CHN1: variants seen among roughly 807,000 people sequenced by gnomAD.
CHN1 encodes the protein N-chimaerin.
In CHN1, 37 loss-of-function variants were observed where a neutral mutation model predicts 59.5. That is an observed-to-expected ratio of 0.62 (90% CI 0.48 to 0.82). The LOEUF is 0.82. Among genes scored for constraint, CHN1 ranks in the 40% least tolerant of loss-of-function variants. The pLI, the probability that CHN1 is intolerant of heterozygous loss-of-function variation, is 0.00. For synonymous variants in CHN1, 206 were observed against 200.4 expected, an observed-to-expected ratio of 1.03 and a Z score of -0.24; for missense variants, 469 against 571.0, an observed-to-expected ratio of 0.82 and a Z score of 1.82.
chr2:174,877,063 A>G (rs1687588137), intron 6 of CHN1, among the ~76,000 whole-genome samples: 1 of 152,054 alleles, frequency 6.6e-6, no homozygotes, highest in African/African-American at 2.4e-5. Context: ...AATGCCCCCA[A>G]CTAAATGTCA....
At chr2:174,865,683 G>C (rs932891458) in intron 6 of CHN1, among the ~76,000 whole-genome samples, 1 of 152,258 alleles carries the variant, frequency 6.6e-6, no homozygotes, top group Non-Finnish European at 1.5e-5. Context: ...AATGTTCTAA[G>C]GCCAAAGGGA....
chr2:174,941,879 T>C (rs1416208269), intron 3 of CHN1, among the ~76,000 whole-genome samples: 1 of 152,174 alleles, frequency 6.6e-6, no homozygotes, highest in South Asian at 2.1e-4. Flanking sequence ...CAGAATAATA[T>C]GTTTAAAAGT....
intron 1 of CHN1, among the ~76,000 whole-genome samples, chr2:174,960,728 A>G (rs887217600): frequency 4.6e-5 from 7 of 152,078 alleles, no homozygotes; most frequent in Non-Finnish European, 7.4e-5. Context: ...AGGCTGAGGT[A>G]GGAGAATCGT....
intron 7 of CHN1, among the ~76,000 whole-genome samples, chr2:174,841,638 T>C (rs1456922848): frequency 6.6e-6 from 1 of 152,132 alleles, no homozygotes; most frequent in Non-Finnish European, 1.5e-5. Context: ...CAGAAATACA[T>C]ATAATTCCAC....
At chr2:174,836,089 C>G (rs900885280) in intron 7 of CHN1, among the ~76,000 whole-genome samples, 2 of 152,192 alleles carry the variant, frequency 1.3e-5, no homozygotes, top group Admixed American at 1.3e-4. Flanking sequence ...GCACCTCCCC[C>G]ACGACCCCAC....
rs545292345 is a variant in CHN1 at position 174,942,446 on chromosome 2, G to A, written c.114+2442C>T. Among the ~76,000 whole-genome samples the A allele has an allele frequency of 1.5e-3, 232 of 152,030 alleles. 2 individuals are homozygous for A. The highest frequency in any genetic ancestry group is 3.4e-3 in the Middle Eastern group (1 of 294). ...TACTGCACATTCTCATTCATATGTG[G>A]GAGCTAAATAAATTGATCTCACAGA... On this transcript the variant is annotated intron_variant, in intron 3 of 12. Transcript: ENST00000409900.
At chr2:174,990,221 T>G (rs1691490776) in intron 1 of CHN1, among the ~76,000 whole-genome samples, 1 of 148,700 alleles carries the variant, frequency 6.7e-6, no homozygotes. Context: ...GGGGTGTGTG[T>G]GTGTGGTGTG....
intron 2 of CHN1, among the ~76,000 whole-genome samples, chr2:174,947,590 G>T (rs1153727): frequency 0.48 from 71,808 of 150,580 alleles, 17,843 homozygotes; most frequent in African/African-American, 0.61. Flanking sequence ...GTTCAAGCAA[G>T]CCTTATGCCG....
intron 1 of CHN1, among the ~76,000 whole-genome samples, chr2:174,974,458 G>A (rs554206292): frequency 1.9e-4 from 29 of 152,256 alleles, no homozygotes; most frequent in African/African-American, 6.0e-4. Flanking sequence ...ACAAATGACA[G>A]CAATGAAAAA....
At chr2:174,916,423 G>C (rs188684060) in intron 4 of CHN1, among the ~76,000 whole-genome samples, 39 of 152,266 alleles carry the variant, frequency 2.6e-4, no homozygotes, top group Admixed American at 2.4e-3. Context: ...AAACATAGGA[G>C]GGTAGAGGGA....
intron 1 of CHN1, among the ~76,000 whole-genome samples, chr2:174,971,264 G>A (rs1690749334): frequency 6.6e-6 from 1 of 152,164 alleles, no homozygotes; most frequent in African/African-American, 2.4e-5. Context: ...CTTGCAGTGA[G>A]CCGAGATCGT....
intron 7 of CHN1, among the ~76,000 whole-genome samples, chr2:174,842,887 C>CTATT (rs1297054996): frequency 6.6e-6 from 1 of 152,218 alleles, no homozygotes. Context: ...AACACTAAAT[C>CTATT]TATTAATACA....
At chr2:174,953,504 A>G (rs1690092007) in intron 1 of CHN1, among the ~76,000 whole-genome samples, 1 of 152,194 alleles carries the variant, frequency 6.6e-6, no homozygotes, top group Non-Finnish European at 1.5e-5. Flanking sequence ...TGCTGATGAC[A>G]TGATCGCACA....
intron 6 of CHN1, chr2:174,847,352 A>G: frequency 3.9e-6 from 5 of 1,289,372 alleles, no homozygotes; most frequent in Non-Finnish European, 3.9e-6. Flanking sequence ...TCTTAAAGGG[A>G]TCTATATTCT....
At chr2:174,972,134 T>C (rs533679730) in intron 1 of CHN1, among the ~76,000 whole-genome samples, 1 of 152,208 alleles carries the variant, frequency 6.6e-6, no homozygotes, top group East Asian at 1.9e-4. Context: ...TCATTCACGA[T>C]GCTATTAAAG....
At chr2:174,944,857 C>G in intron 3 of CHN1, 31 bp downstream of exon 3, 1 of 1,537,892 alleles carries the variant, frequency 6.5e-7, no homozygotes, top group Non-Finnish European at 8.8e-7. Flanking sequence ...GGTTGAGAGA[C>G]ATTTTTTGGT....
chr2:174,811,505 A>C lies in CHN1; in HGVS notation c.964+6T>G, dbSNP rs764237103. 1.2e-4 allele frequency: 197 copies of C among 1,599,800 alleles called. No homozygotes were observed. Among genetic ancestry groups the C allele is most frequent in the Non-Finnish European group, 1.7e-4 (193 of 1,168,394 alleles). On this transcript the variant is annotated splice_donor_region_variant and intron_variant, in intron 10 of 12. Coordinates refer to ENST00000409900, the MANE Select transcript of CHN1 (RefSeq NM_001822.7). Reference sequence around the variant, plus strand: ...CCTAAGTTATGGAACATTGTGAAAAACATACCTCTGTCGAAAGCCATCTTG... The same window carrying C: ...CCTAAGTTATGGAACATTGTGAAAACCATACCTCTGTCGAAAGCCATCTTG...
chr2:174,992,868 T>C (rs1285719170), intron 1 of CHN1, among the ~76,000 whole-genome samples: 1 of 152,066 alleles, frequency 6.6e-6, no homozygotes, highest in Non-Finnish European at 1.5e-5. Context: ...CACCGAAGCC[T>C]GGGCTCTAAC....
At position 174,809,208 on chromosome 2, in the gene CHN1, A is replaced by T. The variant is rs1208657193; in HGVS notation, c.965-166T>A. Among the ~76,000 whole-genome samples the T allele has an allele frequency of 3.3e-5, 5 of 152,310 alleles. No homozygotes were observed. In the East Asian group the frequency reaches 9.6e-4, roughly 29 times the overall value. On this transcript the variant is annotated intron_variant, in intron 10 of 12. Transcript: ENST00000409900. ...ACATATTAATGATTAATTTTCTGTG[A>T]AAGAGCCTCTTCTGATCTCCAGCAT...
Sources: allele counts gnomAD v4.1 joint callset (sites outside exome capture counted in the v4.1 genomes callset), GRCh38; gene constraint gnomAD v4.1.1; transcripts MANE v1.5; gene names NCBI Gene and HGNC (gene_info 2026-07-23, HGNC 2026-07-21).